Variants in DNAH11 observed in about 807,000 individuals in gnomAD.
DNAH11 encodes axonemal beta dynein heavy chain 11.
In DNAH11, 442 loss-of-function variants were observed where a neutral mutation model predicts 526.0. The observed-to-expected ratio is 0.84, with a 90% CI of 0.78 to 0.91. The LOEUF is 0.91. Among genes scored for constraint, DNAH11 ranks in the 40% least tolerant of loss-of-function variants. The probability of loss-of-function intolerance (pLI) is 0.00; values close to 1 mark genes in which losing one functional copy is unlikely to be tolerated. For missense variants in DNAH11, 6,989 were observed against 5,448.7 expected (o/e 1.28, Z -8.90); for synonymous variants, 2,461 against 1,935.9 (o/e 1.27, Z -7.12).
At chr7:21,566,774 A>G (rs1217768654) in intron 6 of DNAH11, among the ~76,000 whole-genome samples, 4 of 152,168 alleles carry the variant, frequency 2.6e-5, no homozygotes, top group Non-Finnish European at 5.9e-5. Context: ...AAATATTCTC[A>G]TTGCATAATG....
intron 65 of DNAH11, among the ~76,000 whole-genome samples, chr7:21,834,415 G>A (rs1232442161): frequency 6.6e-6 from 1 of 152,022 alleles, no homozygotes; most frequent in Non-Finnish European, 1.5e-5. Flanking sequence ...CCATGGTTAT[G>A]CCTCAAGGAT....
intron 68 of DNAH11, among the ~76,000 whole-genome samples, chr7:21,860,814 G>A (rs765274747): frequency 2.0e-5 from 3 of 152,166 alleles, no homozygotes; most frequent in Non-Finnish European, 1.5e-5. Flanking sequence ...ACAGTTCCAC[G>A]TGGCTGGGGA....
intron 48 of DNAH11, among the ~76,000 whole-genome samples, 178 bp downstream of exon 48, chr7:21,739,851 G>A (rs1785796507): frequency 6.6e-6 from 1 of 152,106 alleles, no homozygotes; most frequent in Admixed American, 6.6e-5. Flanking sequence ...TTAATTGGTA[G>A]ACTTTATTTT....
Position 21,711,738 on chromosome 7 carries a change from C to G in DNAH11, c.6861C>G (p.Arg2287=). 1 of 1,613,790 alleles carries G rather than the reference C, an allele frequency of 6.2e-7. No homozygotes were observed. Among genetic ancestry groups the G allele is most frequent in the Non-Finnish European group, 8.5e-7 (1 of 1,179,766 alleles). ...TGCTGACCCTCGCCAGCAATGAGCG[C>G]ATTGCACTCACTCCCTTCATGAGGC... ...NKVLTLASNE[R]IALTPFMRLL... The change falls in exon 42 of 82, where the codon CGC becomes CGG. Residue 2287 remains arginine (R), a synonymous_variant. Transcript: ENST00000409508.
intron 26 of DNAH11, among the ~76,000 whole-genome samples, chr7:21,636,967 A>G (rs944298617): frequency 2.0e-5 from 3 of 152,192 alleles, no homozygotes; most frequent in African/African-American, 7.2e-5. Context: ...GGTGCATGTA[A>G]TGATAATTGA....
chr7:21,861,878 C>T lies in DNAH11; in HGVS notation c.11228C>T (p.Ala3743Val), dbSNP rs781745631. 47 of 1,612,850 alleles carry T rather than the reference C, an allele frequency of 2.9e-5. No homozygotes were observed. The highest frequency in any genetic ancestry group is 3.8e-5 in the Non-Finnish European group (45 of 1,179,508). ...GCTTTTAACGTGCTGTTCCACAGAG[C>T]GATCGAGCAGGCTGACAAGGTGGAA... The part of the protein sequence containing the change: ...LKAFNVLFHR[A>V]IEQADKVEDM... Residue 3743 changes from alanine (A) to valine (V), a missense_variant, in exon 69 of 82, where the codon GCG (alanine) becomes GTG (valine). Transcript: ENST00000409508.
chr7:21,663,447 G>A (rs377152101), intron 30 of DNAH11, among the ~76,000 whole-genome samples: 1 of 152,204 alleles, frequency 6.6e-6, no homozygotes, highest in East Asian at 1.9e-4. Context: ...CACGAAGAAT[G>A]TATAAGAGTT....
intron 65 of DNAH11, among the ~76,000 whole-genome samples, chr7:21,835,768 G>A (rs1293021584): frequency 6.6e-6 from 1 of 151,378 alleles, no homozygotes; most frequent in African/African-American, 2.4e-5. Context: ...CAGCAAGTAA[G>A]TAAGAGAACT....
intron 65 of DNAH11, among the ~76,000 whole-genome samples, chr7:21,826,598 CTT>C (rs559298936): frequency 6.8e-6 from 1 of 147,070 alleles, no homozygotes. Context: ...TCTCTATCCT[CTT>C]TTTTTTTTTC....
chr7:21,644,683 T>G (rs1365842185), intron 28 of DNAH11, among the ~76,000 whole-genome samples: 5 of 152,148 alleles, frequency 3.3e-5, no homozygotes, highest in Non-Finnish European at 7.4e-5. Flanking sequence ...TACCTGCAGC[T>G]GAGGAGGAAG....
At chr7:21,653,217 A>G (rs973775288) in intron 28 of DNAH11, among the ~76,000 whole-genome samples, 1 of 152,160 alleles carries the variant, frequency 6.6e-6, no homozygotes, top group Admixed American at 6.5e-5. Context: ...GCCTTTCCGA[A>G]CAGCTCACTG....
intron 8 of DNAH11, among the ~76,000 whole-genome samples, chr7:21,580,249 G>A (rs768974805): frequency 7.2e-5 from 11 of 152,150 alleles, no homozygotes; most frequent in Admixed American, 2.6e-4. Context: ...ACCTTAAGCC[G>A]TATGTTCTCT....
Position 21,900,988 on chromosome 7 carries a change from C to G in DNAH11, c.13304-19C>G, listed in dbSNP as rs141951506. 12 of 1,558,376 alleles carry G rather than the reference C, an allele frequency of 7.7e-6. No individual in the cohort carries two copies. The highest frequency in any genetic ancestry group is 2.3e-5 in the East Asian group (1 of 44,110). On this transcript the variant is annotated intron_variant, in intron 81 of 81. Coordinates refer to ENST00000409508, the MANE Select transcript of DNAH11 (RefSeq NM_001277115.2). ...TAGCAAGCTGCCACACAATTGCAAC[C>G]GCTGTGTTTTTGCCATAGGCGCCCG...
chr7:21,889,286 A>C (rs1170137391), intron 76 of DNAH11, among the ~76,000 whole-genome samples: 1 of 152,206 alleles, frequency 6.6e-6, no homozygotes, highest in Non-Finnish European at 1.5e-5. Context: ...CATTTTGTTT[A>C]TCTCATCTGT....
chr7:21,830,813 G>C (rs1484712334), intron 65 of DNAH11, among the ~76,000 whole-genome samples: 1 of 152,088 alleles, frequency 6.6e-6, no homozygotes, highest in African/African-American at 2.4e-5. Context: ...AGAGAAATAG[G>C]AGTACATATT....
intron 73 of DNAH11, among the ~76,000 whole-genome samples, chr7:21,871,057 TG>T (rs1783475224): frequency 6.6e-6 from 1 of 152,244 alleles, no homozygotes; most frequent in Non-Finnish European, 1.5e-5. Flanking sequence ...GTATATGATA[TG>T]TATGTACATG....
intron 29 of DNAH11, among the ~76,000 whole-genome samples, chr7:21,658,343 T>C (rs188247302): frequency 1.7e-3 from 254 of 152,236 alleles, no homozygotes; most frequent in African/African-American, 6.0e-3. Flanking sequence ...TTTCAGTAGA[T>C]TTAAAAATTA....
intron 25 of DNAH11, among the ~76,000 whole-genome samples, chr7:21,633,389 A>G (rs1786710658): frequency 6.6e-6 from 1 of 152,180 alleles, no homozygotes; most frequent in Non-Finnish European, 1.5e-5. Flanking sequence ...TGATCTATCC[A>G]TTGTTGAAAG....
intron 8 of DNAH11, among the ~76,000 whole-genome samples, chr7:21,578,756 AC>A (rs1784199247): frequency 6.6e-6 from 1 of 150,586 alleles, no homozygotes; most frequent in Non-Finnish European, 1.5e-5. Flanking sequence ...TCAAGGCTCA[AC>A]TCTTGGCTTC....
Sources: gnomAD v4.1 joint callset for allele counts (sites outside exome capture counted in the v4.1 genomes callset) on GRCh38, gnomAD v4.1.1 for gene constraint, MANE v1.5 for transcripts, NCBI Gene and HGNC (gene_info 2026-07-23, HGNC 2026-07-21) for gene names.